Variants in STK39 observed in about 807,000 individuals in gnomAD.
STK39 encodes serine/threonine kinase 39.
Under a neutral mutation model 77.8 loss-of-function variants are expected in STK39, and 20 were observed. The observed-to-expected ratio is 0.26, with a 90% CI of 0.18 to 0.37. The LOEUF (loss-of-function observed/expected upper bound fraction) is 0.37, where lower values mean the gene tolerates loss of function less well. STK39 is among the 10% of genes least tolerant of loss of function. The pLI, the probability that STK39 is intolerant of heterozygous loss-of-function variation, is 1.00. For missense variants in STK39, 479 were observed against 656.5 expected (o/e 0.73, Z 2.95); for synonymous variants, 246 against 234.1 (o/e 1.05, Z -0.47).
chr2:168,032,849 G>A (rs1227931285), intron 14 of STK39, among the ~76,000 whole-genome samples: 1 of 152,234 alleles, frequency 6.6e-6, no homozygotes, highest in Admixed American at 6.5e-5. Flanking sequence ...CTCTATGTCT[G>A]AGGCAAAATA....
At chr2:168,076,762 T>C (rs1404571048) in intron 10 of STK39, among the ~76,000 whole-genome samples, 1 of 152,194 alleles carries the variant, frequency 6.6e-6, no homozygotes, top group Admixed American at 6.5e-5. Flanking sequence ...AAATAGTACT[T>C]AGTAAAACCT....
intron 5 of STK39, among the ~76,000 whole-genome samples, chr2:168,153,116 A>T (rs1688334287): frequency 6.6e-6 from 1 of 152,220 alleles, no homozygotes; most frequent in Admixed American, 6.5e-5. Flanking sequence ...ATCTGTGATA[A>T]AAGAAAACCT....
intron 14 of STK39, among the ~76,000 whole-genome samples, chr2:168,029,481 T>A (rs544852895): frequency 3.9e-5 from 6 of 152,310 alleles, no homozygotes; most frequent in African/African-American, 1.4e-4. Flanking sequence ...CGATGAAAGT[T>A]TTTTTCTCCC....
intron 1 of STK39, among the ~76,000 whole-genome samples, chr2:168,242,892 CAA>C (rs56028340): frequency 1.5e-5 from 2 of 133,232 alleles, no homozygotes; most frequent in Non-Finnish European, 1.6e-5. Flanking sequence ...GACCCTTTAT[CAA>C]AAAAAAAAAA....
intron 10 of STK39, among the ~76,000 whole-genome samples, chr2:168,097,443 G>T (rs544483790): frequency 3.3e-5 from 5 of 152,258 alleles, no homozygotes; most frequent in Admixed American, 2.0e-4. Flanking sequence ...CTAGTAGAAT[G>T]GCTGGGCATG....
At position 168,162,937 on chromosome 2, in the gene STK39, G is replaced by A. The variant is rs191759634; in HGVS notation, c.572+802C>T. On this transcript the variant is annotated intron_variant, in intron 4 of 17. Coordinates refer to ENST00000355999, the MANE Select transcript of STK39 (RefSeq NM_013233.3). ...AGCTACTCGGGAGGCTGAGACAGGA[G>A]AATTGCTTGAACTCGGGAGGCAGAG... 1.8e-4 allele frequency among the ~76,000 whole-genome samples: 28 copies of A among 151,602 alleles called. No homozygotes were observed. The East Asian group carries it at 4.3e-3, about 23-fold the overall frequency.
intron 1 of STK39, among the ~76,000 whole-genome samples, chr2:168,207,249 TG>T (rs1689765346): frequency 6.6e-6 from 1 of 152,260 alleles, no homozygotes; most frequent in Non-Finnish European, 1.5e-5. Context: ...TCTCCTTTTT[TG>T]TTGTTGCATT....
intron 5 of STK39, among the ~76,000 whole-genome samples, chr2:168,152,255 G>A (rs1688307664): frequency 6.6e-6 from 1 of 152,192 alleles, no homozygotes; most frequent in Admixed American, 6.5e-5. Context: ...AATGTGGGGT[G>A]GGAGGACTAT....
At chr2:168,099,048 T>C (rs6729022) in intron 10 of STK39, among the ~76,000 whole-genome samples, 49,251 of 152,090 alleles carry the variant, frequency 0.32, 8,243 homozygotes, top group Admixed American at 0.38. Context: ...GACATCTCAG[T>C]TGAGGTCCCA....
chr2:168,044,838 C>T (rs953157835), intron 14 of STK39, among the ~76,000 whole-genome samples: 2 of 152,106 alleles, frequency 1.3e-5, no homozygotes, highest in African/African-American at 4.8e-5. Flanking sequence ...GTAAACCAAC[C>T]AACCATGACT....
intron 10 of STK39, among the ~76,000 whole-genome samples, chr2:168,117,992 G>A (rs757322726): frequency 1.3e-5 from 2 of 152,028 alleles, no homozygotes; most frequent in African/African-American, 2.4e-5. Context: ...TAGTTTTTCC[G>A]CAACTCTAGC....
chr2:168,211,013 G>C (rs574384449), intron 1 of STK39, among the ~76,000 whole-genome samples: 2 of 152,168 alleles, frequency 1.3e-5, no homozygotes, highest in African/African-American at 2.4e-5. Flanking sequence ...GTCATTATAT[G>C]GTTAAAAAGA....
intron 10 of STK39, among the ~76,000 whole-genome samples, chr2:168,105,069 T>C (rs1439936582): frequency 6.6e-6 from 1 of 152,158 alleles, no homozygotes; most frequent in African/African-American, 2.4e-5. Flanking sequence ...AATGAATAAA[T>C]ACTAAGACTG....
chr2:168,036,712 T>G (rs1439423444), intron 14 of STK39, among the ~76,000 whole-genome samples: 1 of 152,160 alleles, frequency 6.6e-6, no homozygotes, highest in African/African-American at 2.4e-5. Flanking sequence ...CTGCTTCTGC[T>G]TTCTAAAAGC....
Position 168,017,026 on chromosome 2 carries a change from C to A in STK39, c.1429+17G>T. On this transcript the variant is annotated intron_variant, in intron 15 of 17. Transcript: ENST00000355999. ...GCTCTTTGAGGCAATAAAATAATAA[C>A]TTCAATTAAAACTTACCTCTTCCTG... The A allele has an allele frequency of 6.3e-7, 1 of 1,588,240 alleles. No homozygotes were observed. Among genetic ancestry groups the A allele is most frequent in the Admixed American group, 1.8e-5 (1 of 56,648 alleles).
chr2:168,219,610 T>C (rs1186233161), intron 1 of STK39, among the ~76,000 whole-genome samples: 1 of 152,104 alleles, frequency 6.6e-6, no homozygotes, highest in African/African-American at 2.4e-5. Context: ...ATCTAACCCA[T>C]TCCTGACTTT....
At chr2:168,031,805 A>C (rs1411240145) in intron 14 of STK39, among the ~76,000 whole-genome samples, 1 of 152,212 alleles carries the variant, frequency 6.6e-6, no homozygotes, top group Non-Finnish European at 1.5e-5. Context: ...CTATTGTTTA[A>C]GCGACCCAGT....
Position 168,138,175 on chromosome 2 carries a change from C to T in STK39, c.887G>A (p.Gly296Glu). ...LQNDPPTLET[G>E]VEDKEMMKKY... ...TTTCATCATTTCTTTATCCTCTACC[C>T]CTGTTTCCAAAGTGGGTGGATCATT... The change falls in exon 8 of 18, where the codon GGG becomes GAG. Residue 296 changes from glycine (G) to glutamate (E), a missense_variant. Gly to Glu is a moderately conservative substitution (Grantham distance 98). This residue lies in a region of STK39 where 244 missense variants were observed against 296.8 expected (regional missense o/e 0.82). Transcript: ENST00000355999. The T allele has an allele frequency of 6.2e-7, 1 of 1,613,814 alleles. No homozygotes were observed. Among genetic ancestry groups the T allele is most frequent in the Non-Finnish European group, 8.5e-7 (1 of 1,179,856 alleles).
intron 8 of STK39, among the ~76,000 whole-genome samples, chr2:168,133,156 G>A (rs1413553596): frequency 6.6e-6 from 1 of 152,198 alleles, no homozygotes; most frequent in South Asian, 2.1e-4. Context: ...GTAGGATGCT[G>A]TAGAGAGAAA....
Sources: gnomAD v4.1 joint callset for allele counts (sites outside exome capture counted in the v4.1 genomes callset) on GRCh38, gnomAD v4.1.1 for gene constraint, gnomAD v4.1.1 regional missense constraint, MANE v1.5 for transcripts, NCBI Gene and HGNC (gene_info 2026-07-23, HGNC 2026-07-21) for gene names.